TTLL4: variants seen among roughly 807,000 people sequenced by gnomAD.
TTLL4 encodes the protein tubulin tyrosine ligase like 4, also known as tubulin monoglutamylase TTLL4.
TTLL4 carries 85 observed loss-of-function variants against 122.7 expected under a neutral mutation model. That is an observed-to-expected ratio of 0.69 (90% CI 0.58 to 0.83). TTLL4 has a LOEUF of 0.83. Ranked by LOEUF, TTLL4 falls within the 40% of genes least tolerant of loss-of-function variation. The pLI is 0.00. For missense variants in TTLL4, 1,363 were observed against 1,488.6 expected (o/e 0.92, Z 1.39); for synonymous variants, 553 against 563.0 (o/e 0.98, Z 0.25).
At chr2:218,723,954 TATC>T (rs1310403954) in intron 1 of TTLL4, among the ~76,000 whole-genome samples, 1 of 152,232 alleles carries the variant, frequency 6.6e-6, no homozygotes, top group Non-Finnish European at 1.5e-5. Context: ...TTTATAGTAT[TATC>T]AATGCTAATT....
chr2:218,731,240 A>G (rs1173917005), intron 2 of TTLL4, among the ~76,000 whole-genome samples: 1 of 151,994 alleles, frequency 6.6e-6, no homozygotes, highest in Admixed American at 6.6e-5. Context: ...GTGAAACCCC[A>G]TCTCTACTAA....
downstream of TTLL4, among the ~76,000 whole-genome samples, chr2:218,756,770 C>T (rs911330739): frequency 6.6e-6 from 1 of 152,008 alleles, no homozygotes. Context: ...GGAAGGGAGG[C>T]GAGTGTTCTT....
At chr2:218,737,289 G>A (rs767139512) in intron 2 of TTLL4, among the ~76,000 whole-genome samples, 13 of 152,154 alleles carry the variant, frequency 8.5e-5, no homozygotes, top group Non-Finnish European at 1.6e-4. Context: ...GGAGAGAGAG[G>A]AAAGCTTTCT....
chr2:218,716,712 C>T (rs1941871144), intron 1 of TTLL4, among the ~76,000 whole-genome samples: 1 of 152,104 alleles, frequency 6.6e-6, no homozygotes, highest in African/African-American at 2.4e-5. Flanking sequence ...TGGCGTGAAC[C>T]CAGGAGGCGG....
intron 13 of TTLL4, 87 bp from the exon 14 acceptor site, chr2:218,749,166 T>C: frequency 1.3e-6 from 2 of 1,561,812 alleles, no homozygotes; most frequent in Non-Finnish European, 1.7e-6. Flanking sequence ...TGCCTGCCTA[T>C]CTCTGGGCCA....
chr2:218,747,918 A>T lies in TTLL4; in HGVS notation c.2379-187A>T. 9.0e-7 allele frequency: 1 copy of T among 1,105,840 alleles called. No homozygotes were observed. The highest frequency in any genetic ancestry group is 1.3e-6 in the Non-Finnish European group (1 of 776,480). 68.5% of individuals were successfully genotyped at this position (1,105,840 alleles called of 1,614,324 possible). ...TTCCTGCATGCGGGACTGAGGTGGG[A>T]TAAAGGAGATGAGTTTAGCTGTGGT... On this transcript the variant is annotated intron_variant, in intron 11 of 19. Transcript: ENST00000392102. This position sits in a 1 kb window ranked among gnomAD's most constrained non-coding sequence, Gnocchi z 4.7.
chr2:218,754,110 T>C (rs1254315717), intron 19 of TTLL4, 24 bp from the exon 20 acceptor site: 2 of 1,613,524 alleles, frequency 1.2e-6, no homozygotes, highest in Admixed American at 1.7e-5. Flanking sequence ...CTCAGTCATT[T>C]CTTTCACCAC....
chr2:218,728,557 C>T (rs1477338276), intron 2 of TTLL4, among the ~76,000 whole-genome samples: 1 of 152,202 alleles, frequency 6.6e-6, no homozygotes, highest in African/African-American at 2.4e-5. Flanking sequence ...TCCTAACAGG[C>T]CATGGACCAG....
chr2:218,720,558 C>T (rs1028921740), intron 1 of TTLL4, among the ~76,000 whole-genome samples: 11 of 151,540 alleles, frequency 7.3e-5, no homozygotes, highest in African/African-American at 1.2e-4. Context: ...CCTGTAATCC[C>T]GGCTATTCGG....
rs376055092 is a variant in TTLL4, at chr2:218,713,756, G to A, written c.-178+2719G>A. Among the ~76,000 whole-genome samples, 22 of 152,308 alleles carry A rather than the reference G, an allele frequency of 1.4e-4. No individual in the cohort carries two copies. The East Asian group carries it at 1.5e-3, about 11-fold the overall frequency. ...TGTCAATATGTTGGTTGAATAGGAAGAATTTTAGACTGGAGGCAGGGAGCC... is the reference window on the plus strand; with the variant it reads ...TGTCAATATGTTGGTTGAATAGGAAAAATTTTAGACTGGAGGCAGGGAGCC... On this transcript the variant is annotated intron_variant, in intron 1 of 19. Coordinates refer to ENST00000392102, the MANE Select transcript of TTLL4 (RefSeq NM_014640.5).
chr2:218,729,748 T>TAAAAA (rs771622464), intron 2 of TTLL4, among the ~76,000 whole-genome samples: 2,544 of 78,154 alleles, frequency 0.033, 51 homozygotes, highest in Non-Finnish European at 0.042. Context: ...TCTCTCTTTT[T>TAAAAA]AAAAAAAAAA....
At chr2:218,716,208 TAC>T (rs1246424742) in intron 1 of TTLL4, among the ~76,000 whole-genome samples, 1 of 152,228 alleles carries the variant, frequency 6.6e-6, no homozygotes, top group East Asian at 1.9e-4. Context: ...TGGCAACAAG[TAC>T]AGTCAGTTGG....
chr2:218,744,263 TATA>T (rs1942780340), intron 5 of TTLL4, among the ~76,000 whole-genome samples: 1 of 152,246 alleles, frequency 6.6e-6, no homozygotes, highest in African/African-American at 2.4e-5. Context: ...AAATTAATGT[TATA>T]ATAATATTCG....
At chr2:218,748,737 T>TA (rs1214621764) in intron 12 of TTLL4, 99 bp from the exon 13 acceptor site, 1 of 960,544 alleles carries the variant, frequency 1.0e-6, no homozygotes, top group African/African-American at 1.6e-5. Context: ...AAGGAAGAGA[T>TA]ATGAAGAAAA....
chr2:218,749,386 A>G lies in TTLL4; in HGVS notation c.2734A>G (p.Ser912Gly). The stretch of plus-strand genomic sequence containing the variant: ...GGTCCTGGAAGTCAACATTTCCCCA[A>G]GGTAGGTGGTATTCTCAGGACACTC... ...PWVLEVNISP[S>G]LHSSSPLDIS... The change falls in exon 14 of 20, where the codon AGC becomes GGC. Residue 912 changes from serine (S) to glycine (G), a missense_variant and splice_region_variant. Around this residue, in one of 3 missense-constraint regions of TTLL4, gnomAD observed 596 missense variants for 655.8 expected, o/e 0.91. Coordinates refer to ENST00000392102, the MANE Select transcript of TTLL4 (RefSeq NM_014640.5). The G allele has an allele frequency of 1.2e-6, 2 of 1,614,008 alleles. No homozygotes were observed. The highest frequency in any genetic ancestry group is 1.7e-6 in the Non-Finnish European group (2 of 1,180,020).
chr2:218,752,583 C>T (rs1435461945), intron 16 of TTLL4, among the ~76,000 whole-genome samples, 180 bp from the exon 17 acceptor site: 2 of 152,164 alleles, frequency 1.3e-5, no homozygotes, highest in Non-Finnish European at 2.9e-5. Flanking sequence ...TAGCTAAGTT[C>T]AGTAGACTTA....
At chr2:218,731,588 C>T (rs1942383493) in intron 2 of TTLL4, among the ~76,000 whole-genome samples, 1 of 152,128 alleles carries the variant, frequency 6.6e-6, no homozygotes, top group Non-Finnish European at 1.5e-5. Flanking sequence ...CATTTGGTGC[C>T]AGTGAGAATG....
At position 218,747,485 on chromosome 2, in the gene TTLL4, A is replaced by C. The variant is rs1476348186; in HGVS notation, c.2250-112A>C. The C allele has an allele frequency of 1.9e-6, 3 of 1,568,266 alleles. No homozygotes were observed. The highest frequency in any genetic ancestry group is 2.6e-6 in the Non-Finnish European group (3 of 1,153,946). ...CCCAGCCAAAGAGCTTCCTTAGCCA[A>C]CTGTTCTAAGGTCTTTATCTTGGGG... On this transcript the variant is annotated intron_variant, in intron 10 of 19. Coordinates refer to ENST00000392102, the MANE Select transcript of TTLL4 (RefSeq NM_014640.5). The surrounding 1 kb of genome is among the most constrained non-coding windows in gnomAD (Gnocchi z 4.7).
At chr2:218,746,892 C>T in intron 8 of TTLL4, 111 bp from the exon 9 acceptor site, 2 of 1,241,292 alleles carry the variant, frequency 1.6e-6, no homozygotes, top group Non-Finnish European at 2.2e-6. Flanking sequence ...TAAGATGGAA[C>T]AAAAGCTTGG....
Sources: allele counts gnomAD v4.1 joint callset (sites outside exome capture counted in the v4.1 genomes callset), GRCh38; gene constraint gnomAD v4.1.1; regional missense constraint gnomAD v4.1.1; non-coding constraint Gnocchi (gnomAD v3.1); transcripts MANE v1.5; gene names NCBI Gene and HGNC (gene_info 2026-07-23, HGNC 2026-07-21).